PNKP: variants seen among roughly 807,000 people sequenced by gnomAD.
The protein encoded by PNKP is polynucleotide kinase 3'-phosphatase, also known as bifunctional polynucleotide phosphatase/kinase.
A neutral mutation model predicts 66.2 loss-of-function variants in PNKP; 82 were observed. The ratio of observed to expected loss-of-function variants is 1.24; its 90% CI spans 1.04 to 1.49. PNKP has a LOEUF of 1.49. Ranked by LOEUF, PNKP falls within the 40% of genes most tolerant of loss-of-function variation. The pLI is 0.00. For missense variants in PNKP, 907 were observed against 706.8 expected, an observed-to-expected ratio of 1.28 and a Z score of -3.21; for synonymous variants, 412 against 298.9, an observed-to-expected ratio of 1.38 and a Z score of -3.90.
In PNKP at chr19:49,861,746, CACCTACGGCCCCGCGGTCACGCT is replaced by C. The variant is rs1568658872; in HGVS notation, c.1298+3_1298+25del. On this transcript the variant is annotated splice_donor_5th_base_variant and intron_variant, in intron 14 of 16. Coordinates refer to ENST00000322344, the MANE Select transcript of PNKP (RefSeq NM_007254.4). The stretch of plus-strand genomic sequence containing the variant: ...AGGCCCCGCCCACCCCGCCGCAGGC[CACCTACGGCCCCGCGGTCACGCT>C]ACCTGGCGCGGCTCGCGGCGTCTGG... 2 of 1,556,548 alleles carry C rather than the reference CACCTACGGCCCCGCGGTCACGCT, an allele frequency of 1.3e-6. No homozygotes were observed. Among genetic ancestry groups the C allele is most frequent in the East Asian group, 4.8e-5 (2 of 41,282 alleles).
At chr19:49,865,018 C>T in intron 4 of PNKP, 109 bp downstream of exon 4, 1 of 819,316 alleles carries the variant, frequency 1.2e-6, no homozygotes, top group Non-Finnish European at 2.0e-6. Context: ...TATCATTAGG[C>T]CCATTTCTCA....
At chr19:49,867,350 C>T (rs1568663484) in intron 1 of PNKP, 119 bp downstream of exon 1, 1 of 935,930 alleles carries the variant, frequency 1.1e-6, no homozygotes, top group Non-Finnish European at 1.6e-6. Context: ...TCGCCTTCCG[C>T]GGGTCGACCC....
chr19:49,861,444 A>G lies in PNKP; in HGVS notation c.1448+5T>C. On this transcript the variant is annotated splice_donor_5th_base_variant and intron_variant, in intron 16 of 16. Transcript: ENST00000322344. ...GCCCCTGCCCCCTGCTATCCCCAAC[A>G]GTACCTGTAGCCATACATGACCATG... The G allele has an allele frequency of 6.2e-7, 1 of 1,614,004 alleles. No homozygotes were observed. The highest frequency in any genetic ancestry group is 8.5e-7 in the Non-Finnish European group (1 of 1,179,902).
intron 14 of PNKP, 21 bp downstream of exon 14, chr19:49,861,751 A>C: frequency 1.9e-6 from 3 of 1,558,712 alleles, no homozygotes; most frequent in Non-Finnish European, 2.6e-6. Flanking sequence ...CAGGCCACCT[A>C]CGGCCCCGCG....
At chr19:49,862,896 GC>G (rs1409104144) in intron 8 of PNKP, 158 bp from the exon 9 acceptor site, 8 of 781,136 alleles carry the variant, frequency 1.0e-5, no homozygotes, top group Non-Finnish European at 1.5e-5. Flanking sequence ...CGTGCTCCTG[GC>G]CCCCTCCCCC....
chr19:49,864,497 T>TTG, intron 4 of PNKP, 94 bp from the exon 5 acceptor site: 1 of 908,120 alleles, frequency 1.1e-6, no homozygotes, highest in Non-Finnish European at 1.8e-6. Context: ...CCAGGCAGGG[T>TTG]GTTATCACTG....
chr19:49,865,470 C>T (rs765466799), intron 3 of PNKP, 44 bp from the exon 4 acceptor site: 9 of 1,434,038 alleles, frequency 6.3e-6, no homozygotes, highest in Middle Eastern at 2.3e-4. Context: ...CCGCCCCCAC[C>T]GGGAGCTTCC....
At chr19:49,864,758 A>G (rs1264891490) in intron 4 of PNKP, among the ~76,000 whole-genome samples, 1 of 152,248 alleles carries the variant, frequency 6.6e-6, no homozygotes, top group Non-Finnish European at 1.5e-5. Context: ...TGCTAACTGC[A>G]TGTCAGGAAC....
Position 49,864,369 on chromosome 19 carries a change from GTGA to G in PNKP, c.530_532del (p.Ile177del), listed in dbSNP as rs1412567791. 1.9e-6 allele frequency: 3 copies of G among 1,614,070 alleles called. No individual in the cohort carries two copies. Among genetic ancestry groups the G allele is most frequent in the Non-Finnish European group, 2.5e-6 (3 of 1,179,958 alleles). ...GGGAAAGACCTTCCCAGAGCGTGTG[GTGA>G]TGAGCGTCCCGTCCAGATCAAAGCC... On this transcript the variant is annotated inframe_deletion, in exon 5 of 17. Coordinates refer to ENST00000322344, the MANE Select transcript of PNKP (RefSeq NM_007254.4).
chr19:49,866,679 T>G (rs1386123547), intron 2 of PNKP: 10 of 628,582 alleles, frequency 1.6e-5, no homozygotes, highest in African/African-American at 1.5e-4. Flanking sequence ...GTTTCCTCCT[T>G]GACAAAAAAT....
At position 49,864,209 on chromosome 19, in the gene PNKP, C is replaced by T. The variant is rs767378244; in HGVS notation, c.606G>A (p.Lys202=). The change falls in exon 6 of 17, where the codon AAG becomes AAA. Residue 202 remains lysine (K), a synonymous_variant. Transcript: ENST00000322344. ...AGCCCTCGGCTTCCAGCTCTCGGAGCTTACGGGGAATCTCTGGGTACAAGA... is the reference window on the plus strand; with the variant it reads ...AGCCCTCGGCTTCCAGCTCTCGGAGTTTACGGGGAATCTCTGGGTACAAGA... ...WRILYPEIPR[K]LRELEAEGYK... 8 of 1,614,182 alleles carry T rather than the reference C, an allele frequency of 5.0e-6. No homozygotes were observed. In the South Asian group the frequency reaches 8.8e-5, roughly 18 times the overall value.
intron 13 of PNKP, 80 bp from the exon 14 acceptor site, chr19:49,861,961 T>C: frequency 6.3e-7 from 1 of 1,589,576 alleles, no homozygotes. Context: ...GAGGCAATGA[T>C]GGAGGAAAGC....
Position 49,861,779 on chromosome 19 carries a change from G to C in PNKP, c.1291C>G (p.Arg431Gly), listed in dbSNP as rs1413615600. Reference sequence around the variant, plus strand: ...GCCCCGCGGTCACGCTACCTGGCGCGGCTCGCGGCGTCTGGGTTTGTGTTG... The same window carrying C: ...GCCCCGCGGTCACGCTACCTGGCGCCGCTCGCGGCGTCTGGGTTTGTGTTG... ...IDNTNPDAAS[R>G]ARYVQCARAA... Residue 431 changes from arginine to glycine, a missense_variant, in exon 14 of 17, where the codon CGC (arginine) becomes GGC (glycine). Transcript: ENST00000322344. 3.2e-6 allele frequency: 5 copies of C among 1,563,740 alleles called. No homozygotes were observed. Among genetic ancestry groups the C allele is most frequent in the Non-Finnish European group, 3.5e-6 (4 of 1,156,900 alleles).
At chr19:49,863,019 G>T (rs1341636096) in intron 8 of PNKP, among the ~76,000 whole-genome samples, 2 of 152,070 alleles carry the variant, frequency 1.3e-5, no homozygotes, top group Non-Finnish European at 2.9e-5. Flanking sequence ...CCAGCCTCCG[G>T]CGTGCCGGCG....
Position 49,867,543 on chromosome 19 carries a change from G to C in PNKP, c.-88C>G, listed in dbSNP as rs1050416582. 3 of 271,430 alleles carry C rather than the reference G, an allele frequency of 1.1e-5. No homozygotes were observed. Among genetic ancestry groups the C allele is most frequent in the African/African-American group, 6.0e-5 (2 of 33,106 alleles). The allele number at this position is 271,430 out of a possible 1,614,324, so 16.8% of individuals were successfully genotyped here. On this transcript the variant is annotated 5_prime_UTR_variant, in exon 1 of 17. Coordinates refer to ENST00000322344, the MANE Select transcript of PNKP (RefSeq NM_007254.4). Reference sequence around the variant, plus strand: ...CCCGAGGTGCCCCGCCTGCAACCCGGCCGGCGGCGGTCGGTTCCTCGGCGG... The same window carrying C: ...CCCGAGGTGCCCCGCCTGCAACCCGCCCGGCGGCGGTCGGTTCCTCGGCGG...
chr19:49,862,431 C>T lies in PNKP; in HGVS notation c.969G>A (p.Thr323=), dbSNP rs1257495491. 5 of 1,582,018 alleles carry T rather than the reference C, an allele frequency of 3.2e-6. No homozygotes were observed. The highest frequency in any genetic ancestry group is 1.8e-5 in the Admixed American group (1 of 55,128). The change falls in exon 11 of 17, where the codon ACG becomes ACA. Residue 323 remains threonine, a synonymous_variant. Coordinates refer to ENST00000322344, the MANE Select transcript of PNKP (RefSeq NM_007254.4). ...GCCACTTGAGAAAGAACTCCTCAGG[C>T]GTGGCGAAGGGCAGGCCAAGGTTGA... ...FALNLGLPFA[T]PEEFFLKWPA...
Position 49,862,351 on chromosome 19 carries a change from C to A in PNKP, c.1029+20G>T, listed in dbSNP as rs1239545577. Reference sequence around the variant, plus strand: ...GGGAGCCCTCCCATCCCCACCCCCACCCCCGCCCCAGGGCCTCACCGGATC... The same window carrying A: ...GGGAGCCCTCCCATCCCCACCCCCAACCCCGCCCCAGGGCCTCACCGGATC... On this transcript the variant is annotated intron_variant, in intron 11 of 16. Transcript: ENST00000322344. 4.0e-6 allele frequency: 6 copies of A among 1,501,082 alleles called. No individual in the cohort carries two copies. The Admixed American group carries it at 9.8e-5, about 25-fold the overall frequency. The allele number at this position is 1,501,082 out of a possible 1,614,324, so 93.0% of individuals were successfully genotyped here.
Position 49,861,328 on chromosome 19 carries a change from A to AGAAGCCTTCAGCCAGCGTTG in PNKP, c.1466_1485dup (p.Ser496GlnfsTer?). The AGAAGCCTTCAGCCAGCGTTG allele has an allele frequency of 6.2e-7, 1 of 1,614,142 alleles. No individual in the cohort carries two copies. Among genetic ancestry groups the AGAAGCCTTCAGCCAGCGTTG allele is most frequent in the African/African-American group, 1.3e-5 (1 of 75,038 alleles). On this transcript the variant is annotated frameshift_variant, in exon 17 of 17. Transcript: ENST00000322344. LOFTEE classifies it high-confidence loss of function. Reference sequence around the variant, plus strand: ...CGGAACGGGATCTCCAGGATGGCAGAGAAGCCTTCAGCCAGCGTTGGGGCC... The same window carrying AGAAGCCTTCAGCCAGCGTTG: ...CGGAACGGGATCTCCAGGATGGCAGAGAAGCCTTCAGCCAGCGTTGGAAGCCTTCAGCCAGCGTTGGGGCC...
chr19:49,863,645 G>A (rs1293676309), intron 8 of PNKP, 44 bp downstream of exon 8: 2 of 1,453,810 alleles, frequency 1.4e-6, no homozygotes, highest in Admixed American at 2.0e-5. Flanking sequence ...GTGAGGGGCT[G>A]GAGTGAGGAA....
Sources: allele counts gnomAD v4.1 joint callset (sites outside exome capture counted in the v4.1 genomes callset), GRCh38; gene constraint gnomAD v4.1.1; transcripts MANE v1.5; gene names NCBI Gene and HGNC (gene_info 2026-07-23, HGNC 2026-07-21).